FBLN2: variants seen among roughly 807,000 people sequenced by gnomAD.
FBLN2 encodes the protein fibulin 2.
In FBLN2, 81 loss-of-function variants were observed where a neutral mutation model predicts 123.7. The observed-to-expected ratio is 0.65, with a 90% CI of 0.55 to 0.79. The LOEUF is 0.79. Ranked by LOEUF, FBLN2 falls within the 30% of genes least tolerant of loss-of-function variation. The probability of loss-of-function intolerance (pLI) is 0.00; values close to 1 mark genes in which losing one functional copy is unlikely to be tolerated. For missense variants in FBLN2, 1,603 were observed against 1,681.3 expected (o/e 0.95, Z 0.81); for synonymous variants, 699 against 701.4 (o/e 1.00, Z 0.05).
At chr3:13,574,988 T>C (rs1210782198) in intron 2 of FBLN2, among the ~76,000 whole-genome samples, 1 of 152,196 alleles carries the variant, frequency 6.6e-6, no homozygotes, top group Non-Finnish European at 1.5e-5. Flanking sequence ...AGGGCGAGGT[T>C]GCGTCTGCCT....
At chr3:13,621,686 T>C in intron 8 of FBLN2, 89 bp from the exon 9 acceptor site, 1 of 1,453,680 alleles carries the variant, frequency 6.9e-7, no homozygotes, top group Non-Finnish European at 9.5e-7. Context: ...TGCCCCTTGC[T>C]GGGTCTCATT....
At chr3:13,616,562 C>G (rs546121367) in intron 5 of FBLN2, among the ~76,000 whole-genome samples, 1 of 152,312 alleles carries the variant, frequency 6.6e-6, no homozygotes, top group South Asian at 2.1e-4. Context: ...GATTGGGCTG[C>G]AGCTTAATGT....
intron 2 of FBLN2, among the ~76,000 whole-genome samples, chr3:13,572,945 C>T (rs931594638): frequency 5.9e-5 from 9 of 152,166 alleles, no homozygotes; most frequent in Non-Finnish European, 1.2e-4. Flanking sequence ...AGACCCCACG[C>T]AGGTTTGAAA....
chr3:13,604,474 C>T (rs559670834), intron 2 of FBLN2, among the ~76,000 whole-genome samples: 107 of 152,218 alleles, frequency 7.0e-4, no homozygotes, highest in African/African-American at 2.3e-3. Flanking sequence ...TTCCCAGCAC[C>T]GTTTATTAAA....
intron 5 of FBLN2, among the ~76,000 whole-genome samples, chr3:13,614,822 A>G (rs1166274970): frequency 6.8e-6 from 1 of 147,576 alleles, no homozygotes; most frequent in Admixed American, 6.8e-5. Flanking sequence ...CCATCCATTT[A>G]TCCATCTACC....
At chr3:13,614,315 T>C (rs982183287) in intron 5 of FBLN2, among the ~76,000 whole-genome samples, 151 bp downstream of exon 5, 3 of 152,114 alleles carry the variant, frequency 2.0e-5, no homozygotes, top group African/African-American at 7.2e-5. Flanking sequence ...TTCATTGTTT[T>C]CTGTGGACTA....
At chr3:13,584,245 C>T (rs1292055374) in intron 2 of FBLN2, among the ~76,000 whole-genome samples, 1 of 152,256 alleles carries the variant, frequency 6.6e-6, no homozygotes, top group Admixed American at 6.5e-5. Context: ...AAGTACACTA[C>T]AGGCACCTGC....
Position 13,637,933 on chromosome 3 carries a change from G to T in FBLN2, c.*14G>T, listed in dbSNP as rs749191456. 10 of 1,563,108 alleles carry T rather than the reference G, an allele frequency of 6.4e-6. No homozygotes were observed. The highest frequency in any genetic ancestry group is 7.8e-6 in the Non-Finnish European group (9 of 1,149,832). On this transcript the variant is annotated 3_prime_UTR_variant, in exon 18 of 18. Coordinates refer to ENST00000404922, the MANE Select transcript of FBLN2 (RefSeq NM_001004019.2). ...TTTGCCCTGTGAGGTGCCAGCACGG[G>T]CCACCTGCGGGTGTGGCGCAGCCCA...
At chr3:13,590,838 A>G (rs1394221092) in intron 2 of FBLN2, among the ~76,000 whole-genome samples, 4 of 152,220 alleles carry the variant, frequency 2.6e-5, no homozygotes, top group African/African-American at 7.2e-5. Flanking sequence ...GTCGATGGAC[A>G]TTTGGGTTCC....
chr3:13,593,522 T>C (rs13322061), intron 2 of FBLN2, among the ~76,000 whole-genome samples: 7,456 of 152,018 alleles, frequency 0.049, 484 homozygotes, highest in African/African-American at 0.15. Flanking sequence ...AAGGCCAGCT[T>C]GGCCAGCATG....
chr3:13,573,108 G>C (rs973164760), intron 2 of FBLN2, among the ~76,000 whole-genome samples: 1 of 144,260 alleles, frequency 6.9e-6, no homozygotes, highest in Non-Finnish European at 1.5e-5. Context: ...CCGTCAGTGT[G>C]AGAGGGGACA....
intron 2 of FBLN2, among the ~76,000 whole-genome samples, chr3:13,589,393 A>G (rs545164433): frequency 3.5e-4 from 53 of 151,898 alleles, no homozygotes; most frequent in African/African-American, 1.2e-3. Flanking sequence ...AGCCCCTCCC[A>G]CCCATGTTGT....
In FBLN2 at chr3:13,630,685, T is replaced by A; in HGVS notation, c.2969-14T>A. On this transcript the variant is annotated splice_polypyrimidine_tract_variant and intron_variant, in intron 14 of 17. Transcript: ENST00000404922. ...CTTGGGCCCTGCCATGACTGCCTGC[T>A]GGTGTCCCTGCAGACGTGAATGAGT... is the stretch of plus-strand genomic sequence containing the variant. 1 of 1,579,400 alleles carries A rather than the reference T, an allele frequency of 6.3e-7. No individual in the cohort carries two copies. The highest frequency in any genetic ancestry group is 8.6e-7 in the Non-Finnish European group (1 of 1,158,986).
intron 4 of FBLN2, among the ~76,000 whole-genome samples, chr3:13,611,165 T>C (rs1186159416): frequency 2.0e-5 from 3 of 152,162 alleles, no homozygotes. Context: ...CAGGTTGGTC[T>C]CGAACTCCTG....
At chr3:13,562,951 C>T (rs573835376) in intron 1 of FBLN2, among the ~76,000 whole-genome samples, 15 of 152,286 alleles carry the variant, frequency 9.8e-5, no homozygotes, top group East Asian at 3.9e-4. Flanking sequence ...TGTTGCAGCA[C>T]GGGTCAGAAT....
At chr3:13,571,840 G>T (rs1202037663) in intron 2 of FBLN2, among the ~76,000 whole-genome samples, 179 bp downstream of exon 2, 1 of 151,192 alleles carries the variant, frequency 6.6e-6, no homozygotes, top group East Asian at 2.0e-4. Flanking sequence ...TCTTCTCCCA[G>T]GCCCAGCTCT....
intron 2 of FBLN2, among the ~76,000 whole-genome samples, chr3:13,602,166 T>C (rs1705053631): frequency 6.6e-6 from 1 of 152,232 alleles, no homozygotes; most frequent in Non-Finnish European, 1.5e-5. Context: ...TGGAAGTTAC[T>C]TTCGTGTATG....
intron 2 of FBLN2, among the ~76,000 whole-genome samples, chr3:13,606,033 C>T (rs1705192425): frequency 6.6e-6 from 1 of 152,162 alleles, no homozygotes; most frequent in African/African-American, 2.4e-5. Flanking sequence ...TCCCTGGGCT[C>T]AAGCCATCCT....
In FBLN2 at chr3:13,637,553, T is replaced by G; in HGVS notation, c.3339-9T>G. 1 of 1,594,030 alleles carries G rather than the reference T, an allele frequency of 6.3e-7. No individual in the cohort carries two copies. Among genetic ancestry groups the G allele is most frequent in the Non-Finnish European group, 8.6e-7 (1 of 1,167,524 alleles). On this transcript the variant is annotated splice_polypyrimidine_tract_variant and intron_variant, in intron 17 of 17. Transcript: ENST00000404922. ...GAGCTGTGGGTGACCCGGCCTATCC[T>G]CCCTGCAGGAAGTGCGAGCGCACCA...
Sources: gnomAD v4.1 joint callset for allele counts (sites outside exome capture counted in the v4.1 genomes callset) on GRCh38, gnomAD v4.1.1 for gene constraint, MANE v1.5 for transcripts, NCBI Gene and HGNC (gene_info 2026-07-23, HGNC 2026-07-21) for gene names.